GABRA3: variants seen among roughly 807,000 people sequenced by gnomAD.
The protein encoded by GABRA3 is gamma-aminobutyric acid receptor subunit alpha-3.
A neutral mutation model predicts 30.1 loss-of-function variants in GABRA3; 10 were observed. The ratio of observed to expected loss-of-function variants is 0.33; its 90% CI spans 0.20 to 0.56. GABRA3 has a LOEUF of 0.56. Among genes scored for constraint, GABRA3 ranks in the 20% least tolerant of loss-of-function variants. GABRA3 has a pLI of 0.89. For synonymous variants in GABRA3, 151 were observed against 146.8 expected (o/e 1.03, Z -0.21); for missense variants, 233 against 392.0 (o/e 0.59, Z 3.42).
At position 152,247,517 on chromosome X, in the gene GABRA3, C is replaced by T. The variant is rs1051767797; in HGVS notation, c.551+8261G>A. Among the ~76,000 whole-genome samples, 3 of 111,811 alleles carry T rather than the reference C, an allele frequency of 2.7e-5. No individual in the cohort carries two copies. In the East Asian group the frequency reaches 8.4e-4, roughly 31 times the overall value. On this transcript the variant is annotated intron_variant, in intron 5 of 9. Coordinates refer to ENST00000370314, the MANE Select transcript of GABRA3 (RefSeq NM_000808.4). ...TTGGGTCTCTATACCAGCTCTGCCA[C>T]TTATTGGTGGTGTGAGTTTGCTCTA... is the stretch of plus-strand genomic sequence containing the variant.
At chrX:152,219,747 G>A (rs1937795812) in intron 6 of GABRA3, among the ~76,000 whole-genome samples, 1 of 110,870 alleles carries the variant, frequency 9.0e-6, no homozygotes, top group South Asian at 3.8e-4. Flanking sequence ...TTTAATATTA[G>A]TAAGTCTATA....
chrX:152,219,755 A>G (rs981496841), intron 6 of GABRA3, among the ~76,000 whole-genome samples: 1 of 111,242 alleles, frequency 9.0e-6, no homozygotes, highest in Admixed American at 9.6e-5. Flanking sequence ...TAGTAAGTCT[A>G]TATGCATAAG....
intron 9 of GABRA3, among the ~76,000 whole-genome samples, chrX:152,182,907 CT>C (rs1937204316): frequency 2.0e-5 from 2 of 97,955 alleles, no homozygotes; most frequent in Non-Finnish European, 4.1e-5. Context: ...TACATATATA[CT>C]TTAAGAAGTT....
intron 3 of GABRA3, among the ~76,000 whole-genome samples, chrX:152,329,886 T>G (rs758233786): frequency 1.8e-5 from 2 of 111,223 alleles, no homozygotes; most frequent in Non-Finnish European, 3.8e-5. Context: ...ACAGCAAAAG[T>G]AACTACCATC....
At chrX:152,290,035 T>C (rs1939375662) in intron 3 of GABRA3, among the ~76,000 whole-genome samples, 1 of 112,220 alleles carries the variant, frequency 8.9e-6, no homozygotes, top group South Asian at 3.7e-4. Flanking sequence ...ATATACCCAG[T>C]AATGGGATCG....
chrX:152,421,293 A>G (rs1366711651), intron 1 of GABRA3, among the ~76,000 whole-genome samples: 4 of 111,272 alleles, frequency 3.6e-5, no homozygotes, highest in African/African-American at 1.3e-4. Flanking sequence ...AGCTTATGGT[A>G]AAATTGGTTT....
intron 1 of GABRA3, chrX:152,392,390 C>A (rs1929512961): frequency 1.8e-5 from 6 of 327,311 alleles, no homozygotes; most frequent in South Asian, 1.7e-4. Flanking sequence ...GACAAAAAAT[C>A]ATGGTGCACA....
At chrX:152,215,967 C>T (rs1173440126) in intron 6 of GABRA3, among the ~76,000 whole-genome samples, 2 of 110,801 alleles carry the variant, frequency 1.8e-5, no homozygotes, top group Non-Finnish European at 3.8e-5. Context: ...TACAAATGGC[C>T]TCCAGGTATA....
intron 1 of GABRA3, among the ~76,000 whole-genome samples, chrX:152,426,167 T>C (rs2124541753): frequency 9.0e-6 from 1 of 111,079 alleles, no homozygotes; most frequent in East Asian, 2.9e-4. Flanking sequence ...CAGCTAAGAG[T>C]AAAGGAAACA....
At chrX:152,328,361 C>T (rs1252563536) in intron 3 of GABRA3, among the ~76,000 whole-genome samples, 1 of 111,693 alleles carries the variant, frequency 9.0e-6, no homozygotes, top group Admixed American at 9.5e-5. Flanking sequence ...GGGCTAGCAT[C>T]TTCCTCATAC....
chrX:152,184,944 CT>C (rs1290091191), intron 9 of GABRA3, among the ~76,000 whole-genome samples: 3 of 111,465 alleles, frequency 2.7e-5, no homozygotes. Context: ...TCTGTATCTT[CT>C]TTTTTTCCTT....
intron 7 of GABRA3, among the ~76,000 whole-genome samples, chrX:152,200,381 T>C (rs192050154): frequency 1.8e-5 from 2 of 112,616 alleles, no homozygotes; most frequent in African/African-American, 6.4e-5. Flanking sequence ...ATTGAATATG[T>C]ATTCACATCT....
chrX:152,382,052 A>G (rs1209065233), intron 1 of GABRA3, among the ~76,000 whole-genome samples: 1 of 111,860 alleles, frequency 8.9e-6, no homozygotes, highest in African/African-American at 3.3e-5. Context: ...TAACATCCAG[A>G]ATCTACAAAG....
intron 1 of GABRA3, among the ~76,000 whole-genome samples, chrX:152,388,079 G>A (rs763957278): frequency 1.4e-4 from 16 of 111,968 alleles, no homozygotes; most frequent in African/African-American, 4.5e-4. Flanking sequence ...AACAATGGTC[G>A]TTGATACATC....
intron 1 of GABRA3, among the ~76,000 whole-genome samples, chrX:152,447,978 C>A (rs1931129537): frequency 8.9e-6 from 1 of 112,309 alleles, no homozygotes; most frequent in South Asian, 3.7e-4. Flanking sequence ...TTGAAAAAAT[C>A]ATTTTATGTC....
At chrX:152,227,170 G>A (rs1484722540) in intron 5 of GABRA3, among the ~76,000 whole-genome samples, 2 of 109,040 alleles carry the variant, frequency 1.8e-5, no homozygotes, top group Non-Finnish European at 3.8e-5. Context: ...AAGAAAATGT[G>A]GCACATATAC....
At chrX:152,257,612 A>C (rs187905536) in intron 4 of GABRA3, among the ~76,000 whole-genome samples, 1 of 112,586 alleles carries the variant, frequency 8.9e-6, no homozygotes, top group Admixed American at 9.4e-5. Flanking sequence ...AGATTTAAAG[A>C]TCATATAATT....
At chrX:152,329,320 T>G (rs1163759614) in intron 3 of GABRA3, among the ~76,000 whole-genome samples, 1 of 111,868 alleles carries the variant, frequency 8.9e-6, no homozygotes, top group Admixed American at 9.5e-5. Context: ...TACCAATGGC[T>G]TTCTTCACAG....
intron 9 of GABRA3, among the ~76,000 whole-genome samples, chrX:152,175,553 A>C (rs1801764397): frequency 9.0e-6 from 1 of 111,704 alleles, no homozygotes; most frequent in Admixed American, 9.6e-5. Flanking sequence ...AAAGCAATGT[A>C]ATGTCAGGAG....
Sources: gnomAD v4.1 joint callset for allele counts (sites outside exome capture counted in the v4.1 genomes callset) on GRCh38, gnomAD v4.1.1 for gene constraint, MANE v1.5 for transcripts, NCBI Gene and HGNC (gene_info 2026-07-23, HGNC 2026-07-21) for gene names.